PDE8A: variants seen among roughly 807,000 people sequenced by gnomAD.
The protein encoded by PDE8A is phosphodiesterase 8A.
In PDE8A, 59 loss-of-function variants were observed where a neutral mutation model predicts 105.0. The observed-to-expected ratio is 0.56, with a 90% CI of 0.46 to 0.70. The LOEUF (loss-of-function observed/expected upper bound fraction) is 0.70, where lower values mean the gene tolerates loss of function less well. Ranked by LOEUF, PDE8A falls within the 30% of genes least tolerant of loss-of-function variation. The pLI, the probability that PDE8A is intolerant of heterozygous loss-of-function variation, is 0.00. For synonymous variants in PDE8A, 355 were observed against 371.9 expected (o/e 0.95, Z 0.52); for missense variants, 1,014 against 1,045.9 (o/e 0.97, Z 0.42).
At chr15:85,067,429 A>G (rs1243671830) in intron 3 of PDE8A, among the ~76,000 whole-genome samples, 1 of 152,250 alleles carries the variant, frequency 6.6e-6, no homozygotes. Context: ...AATAAGAATT[A>G]TTAAGGGTCA....
In PDE8A at chr15:85,102,409, C is replaced by T. The variant is rs562806747; in HGVS notation, c.1036+2211C>T. Among the ~76,000 whole-genome samples, 47 of 152,172 alleles carry T rather than the reference C, an allele frequency of 3.1e-4. 1 individual carries two copies. The South Asian group carries it at 9.3e-3, about 30-fold the overall frequency. On this transcript the variant is annotated intron_variant, in intron 11 of 21. Coordinates refer to ENST00000394553, the MANE Select transcript of PDE8A (RefSeq NM_002605.3). ...TGCAGTTTCAGGAGAATGGCGAGGG[C>T]AGAAGCCAGATTGCAGGGGCTGGAG...
chr15:85,113,832 T>A, intron 13 of PDE8A, 41 bp from the exon 14 acceptor site: 1 of 1,517,856 alleles, frequency 6.6e-7, no homozygotes, highest in Non-Finnish European at 9.1e-7. Flanking sequence ...CCCACTGTTT[T>A]TAAGGTTATG....
chr15:85,113,783 T>G lies in PDE8A; in HGVS notation c.1186-90T>G, dbSNP rs551664998. On this transcript the variant is annotated intron_variant, in intron 13 of 21. Transcript: ENST00000394553. ...AATTCTCCCACCTCAGCCTCCTGAGTAGCTGGAATTACAGACACGTACTGC... is the reference window on the plus strand; with the variant it reads ...AATTCTCCCACCTCAGCCTCCTGAGGAGCTGGAATTACAGACACGTACTGC... 6.4e-5 allele frequency: 63 copies of G among 984,784 alleles called. No individual in the cohort carries two copies. The East Asian group carries it at 1.2e-3, about 19-fold the overall frequency. 61.0% of individuals were successfully genotyped at this position (984,784 alleles called of 1,614,324 possible).
At chr15:85,046,065 CTTTTTTTTT>C (rs34486009) in intron 1 of PDE8A, among the ~76,000 whole-genome samples, 5 of 124,448 alleles carry the variant, frequency 4.0e-5, no homozygotes, top group African/African-American at 1.5e-4. Context: ...CTTTCTGTTT[CTTTTTTTTT>C]TTTTTTTTTT....
At chr15:85,096,251 G>T (rs571309616) in intron 8 of PDE8A, among the ~76,000 whole-genome samples, 7 of 151,958 alleles carry the variant, frequency 4.6e-5, no homozygotes, top group African/African-American at 1.7e-4. Context: ...TAATGTAACA[G>T]TTTTATTGAG....
At chr15:85,097,245 C>T (rs2081770755) in intron 8 of PDE8A, among the ~76,000 whole-genome samples, 1 of 152,134 alleles carries the variant, frequency 6.6e-6, no homozygotes, top group Admixed American at 6.5e-5. Flanking sequence ...TTCCCTACCA[C>T]CCCAAGATAA....
intron 21 of PDE8A, among the ~76,000 whole-genome samples, chr15:85,137,233 A>C (rs865880122): frequency 4.7e-4 from 71 of 152,356 alleles, no homozygotes; most frequent in African/African-American, 1.5e-3. Flanking sequence ...AGAAGGCCGT[A>C]GAACAGGGGT....
At chr15:85,097,915 C>T in intron 8 of PDE8A, 33 bp from the exon 9 acceptor site, 1 of 1,180,652 alleles carries the variant, frequency 8.5e-7, no homozygotes, top group Non-Finnish European at 1.3e-6. Context: ...GTTTTCAACA[C>T]AAAGTATGAC....
chr15:85,117,936 G>T, intron 17 of PDE8A, 97 bp downstream of exon 17: 4 of 993,090 alleles, frequency 4.0e-6, no homozygotes, highest in South Asian at 1.3e-5. Context: ...GACTGCTCAC[G>T]TGTGCAGCCT....
intron 1 of PDE8A, among the ~76,000 whole-genome samples, chr15:85,009,486 A>T (rs965644705): frequency 6.6e-6 from 1 of 152,132 alleles, no homozygotes. Context: ...AAAATTTAGG[A>T]CTTTTCGTTG....
chr15:84,993,259 C>A (rs4843014), intron 1 of PDE8A, among the ~76,000 whole-genome samples: 8 of 151,260 alleles, frequency 5.3e-5, no homozygotes, highest in South Asian at 2.1e-4. Context: ...CTGGCTAACA[C>A]GGTGAAACCC....
chr15:85,121,107 AT>A (rs2082174753), intron 18 of PDE8A, 93 bp downstream of exon 18: 1 of 801,624 alleles, frequency 1.2e-6, no homozygotes, highest in South Asian at 1.8e-5. Context: ...CAGTTCACCC[AT>A]TTAAAGTGCA....
intron 20 of PDE8A, among the ~76,000 whole-genome samples, chr15:85,133,687 C>T (rs1368197470): frequency 1.3e-5 from 2 of 152,108 alleles, no homozygotes; most frequent in Non-Finnish European, 2.9e-5. Flanking sequence ...GATGTTACTC[C>T]GGTGCTCAGG....
At chr15:85,011,993 A>G (rs1369677453) in intron 1 of PDE8A, among the ~76,000 whole-genome samples, 5 of 152,244 alleles carry the variant, frequency 3.3e-5, no homozygotes, top group South Asian at 2.1e-4. Flanking sequence ...CAAAACCACA[A>G]TGAGATACCA....
chr15:85,011,911 T>A (rs1384741621), intron 1 of PDE8A, among the ~76,000 whole-genome samples: 2 of 152,120 alleles, frequency 1.3e-5, no homozygotes, highest in Non-Finnish European at 2.9e-5. Context: ...ACTTCTCAAA[T>A]TAAGACATTT....
intron 11 of PDE8A, among the ~76,000 whole-genome samples, chr15:85,103,720 C>T (rs1389036002): frequency 6.6e-6 from 1 of 152,214 alleles, no homozygotes; most frequent in Admixed American, 6.5e-5. Flanking sequence ...GCCATAGGAG[C>T]ACTGTGCTTA....
chr15:85,056,802 C>T (rs921120765), intron 1 of PDE8A, among the ~76,000 whole-genome samples: 1 of 152,226 alleles, frequency 6.6e-6, no homozygotes, highest in African/African-American at 2.4e-5. Flanking sequence ...TTGTCTGAAG[C>T]CTTCTTCTCT....
chr15:85,098,079 T>C (rs1159736348), intron 9 of PDE8A, 43 bp downstream of exon 9: 2 of 1,159,800 alleles, frequency 1.7e-6, no homozygotes, highest in Non-Finnish European at 2.6e-6. Flanking sequence ...TACAGTGTTT[T>C]GGGTTATTGC....
rs1015246559 is a variant in PDE8A at position 84,982,433 on chromosome 15, C to A, written c.186+85C>A. ...TTTCCCGCAGGGGCCGGGCGGGGTC[C>A]CCCCCACCCGGCCTCGGTGCCCTCT... On this transcript the variant is annotated intron_variant, in intron 1 of 21. Transcript: ENST00000394553. The A allele has an allele frequency of 7.0e-6, 6 of 856,526 alleles. No individual in the cohort carries two copies. In the African/African-American group the frequency reaches 8.9e-5, roughly 13 times the overall value. The allele number at this position is 856,526 out of a possible 1,614,324, so 53.1% of individuals were successfully genotyped here. A position where few individuals can be genotyped will look rare whatever the true frequency, so the allele number is the denominator to read the frequency against.
Sources: gnomAD v4.1 joint callset for allele counts (sites outside exome capture counted in the v4.1 genomes callset) on GRCh38, gnomAD v4.1.1 for gene constraint, MANE v1.5 for transcripts, NCBI Gene and HGNC (gene_info 2026-07-23, HGNC 2026-07-21) for gene names.